The following PTPRG variants were observed in gnomAD, a reference collection of about 807,000 sequenced individuals.
PTPRG encodes protein tyrosine phosphatase receptor type G, also known as receptor-type tyrosine-protein phosphatase gamma.
PTPRG carries 102 observed loss-of-function variants against 165.3 expected under a neutral mutation model. The ratio of observed to expected loss-of-function variants is 0.62; its 90% CI spans 0.53 to 0.73. The LOEUF (loss-of-function observed/expected upper bound fraction) is 0.73. Among genes scored for constraint, PTPRG ranks in the 30% least tolerant of loss-of-function variants. The pLI, the probability that PTPRG is intolerant of heterozygous loss-of-function variation, is 0.00. For synonymous variants in PTPRG, 675 were observed against 669.5 expected (o/e 1.01, Z -0.13); for missense variants, 1,866 against 1,861.4 (o/e 1.00, Z -0.05).
chr3:62,000,830 C>G (rs1195065099), intron 3 of PTPRG, among the ~76,000 whole-genome samples: 1 of 152,212 alleles, frequency 6.6e-6, no homozygotes, highest in Non-Finnish European at 1.5e-5. Context: ...TTGGAAATAA[C>G]CACCACTGAA....
chr3:62,173,326 C>T (rs185926493), intron 8 of PTPRG, among the ~76,000 whole-genome samples: 49 of 151,802 alleles, frequency 3.2e-4, no homozygotes, highest in Admixed American at 2.1e-3. Context: ...ATATAAGTGC[C>T]GACTGTACTC....
intron 2 of PTPRG, among the ~76,000 whole-genome samples, chr3:61,865,537 C>G (rs1048635000): frequency 6.6e-6 from 1 of 152,136 alleles, no homozygotes; most frequent in African/African-American, 2.4e-5. Context: ...TCACCCTAAG[C>G]TAGGGAGTAG....
intron 1 of PTPRG, among the ~76,000 whole-genome samples, chr3:61,681,624 A>G (rs1703443244): frequency 6.6e-6 from 1 of 152,176 alleles, no homozygotes; most frequent in African/African-American, 2.4e-5. Flanking sequence ...CTTCTATGAA[A>G]TGTGGATTAT....
chr3:62,111,988 A>G (rs1295596882), intron 5 of PTPRG, among the ~76,000 whole-genome samples: 2 of 152,218 alleles, frequency 1.3e-5, no homozygotes, highest in African/African-American at 4.8e-5. Context: ...AATGAGGCCT[A>G]AAGAGGAAAC....
At chr3:61,722,196 A>C (rs1412100466) in intron 1 of PTPRG, among the ~76,000 whole-genome samples, 1 of 150,330 alleles carries the variant, frequency 6.7e-6, no homozygotes, top group Non-Finnish European at 1.5e-5. Context: ...GAAAGGTGGA[A>C]GAGCAAAGAG....
At chr3:61,832,989 G>C (rs968231326) in intron 2 of PTPRG, among the ~76,000 whole-genome samples, 1 of 151,908 alleles carries the variant, frequency 6.6e-6, no homozygotes, top group Non-Finnish European at 1.5e-5. Context: ...ATATCACTTA[G>C]AATAATAGTA....
At chr3:62,274,437 G>T (rs1281592771) in intron 23 of PTPRG, among the ~76,000 whole-genome samples, 1 of 152,076 alleles carries the variant, frequency 6.6e-6, no homozygotes, top group East Asian at 1.9e-4. Flanking sequence ...AATAATTAGG[G>T]CTCAGTCATC....
intron 15 of PTPRG, among the ~76,000 whole-genome samples, chr3:62,248,235 G>C (rs1457231413): frequency 2.6e-5 from 4 of 152,162 alleles, no homozygotes; most frequent in African/African-American, 9.7e-5. Context: ...GATTTTGAAT[G>C]GTTAGTGCCT....
In PTPRG at chr3:62,252,074, CACTTT is replaced by C; in HGVS notation, c.2468-3049_2468-3045del. On this transcript the variant is annotated intron_variant, in intron 15 of 29. Coordinates refer to ENST00000474889, the MANE Select transcript of PTPRG (RefSeq NM_002841.4). The surrounding 1 kb of genome is among the most constrained non-coding windows in gnomAD (Gnocchi z 4.6). ...AATCTGTTGTCAGTGAAAACATCTT[CACTTT>C]GATTCCAGCCCCTTTTTTCCTTTAT... 6.6e-6 allele frequency among the ~76,000 whole-genome samples: 1 copy of C among 152,286 alleles called. No homozygotes were observed. Among genetic ancestry groups the C allele is most frequent in the Admixed American group, 6.5e-5 (1 of 15,282 alleles).
At chr3:62,135,153 A>G (rs927619529) in intron 6 of PTPRG, among the ~76,000 whole-genome samples, 1 of 151,912 alleles carries the variant, frequency 6.6e-6, no homozygotes, top group Non-Finnish European at 1.5e-5. Context: ...ACATGCCTGC[A>G]GTCCCAGCTA....
chr3:62,044,117 C>G (rs542320077), intron 4 of PTPRG, among the ~76,000 whole-genome samples: 1 of 152,368 alleles, frequency 6.6e-6, no homozygotes, highest in East Asian at 1.9e-4. Context: ...ATCTCAAATG[C>G]TTGGCATTAG....
chr3:62,021,928 C>G (rs570219588), intron 4 of PTPRG, among the ~76,000 whole-genome samples: 2 of 144,110 alleles, frequency 1.4e-5, no homozygotes, highest in Admixed American at 1.4e-4. Context: ...TCCTTTTTCC[C>G]TTCCCCCTCA....
At chr3:61,607,316 A>G (rs1701038688) in intron 1 of PTPRG, among the ~76,000 whole-genome samples, 1 of 152,220 alleles carries the variant, frequency 6.6e-6, no homozygotes, top group African/African-American at 2.4e-5. Flanking sequence ...TCTCCTTGAC[A>G]TGAGTATCCT....
In PTPRG at chr3:62,201,553, T is replaced by G; in HGVS notation, c.1376T>G (p.Val459Gly). The change falls in exon 11 of 30, where the codon GTG becomes GGG. Residue 459 changes from valine (V) to glycine (G), a missense_variant and splice_region_variant. Physicochemically the swap from Val to Gly is moderately radical, Grantham distance 109 (BLOSUM62 -3). This residue lies in a region of PTPRG where 1,452 missense variants were observed against 1,463.0 expected (regional missense o/e 0.99). Coordinates refer to ENST00000474889, the MANE Select transcript of PTPRG (RefSeq NM_002841.4). The part of the protein sequence containing the change: ...FQGTRIVKTG[V>G]PTASPASSAD... ...GGGACCAGAATAGTGAAAACAGGAG[T>G]GGTAAGTAGAGAATGGGAAATTGCT... The G allele has an allele frequency of 6.2e-7, 1 of 1,608,266 alleles. No individual in the cohort carries two copies. Among genetic ancestry groups the G allele is most frequent in the Non-Finnish European group, 8.5e-7 (1 of 1,176,960 alleles).
At chr3:61,933,011 C>A (rs1255789763) in intron 2 of PTPRG, among the ~76,000 whole-genome samples, 1 of 152,164 alleles carries the variant, frequency 6.6e-6, no homozygotes, top group East Asian at 1.9e-4. Context: ...GTCTGAAACC[C>A]ATATGGCTGA....
chr3:62,199,366 C>T (rs1314798227), intron 10 of PTPRG, among the ~76,000 whole-genome samples: 2 of 152,126 alleles, frequency 1.3e-5, no homozygotes, highest in East Asian at 1.9e-4. Flanking sequence ...TGGGGCCAGG[C>T]AGGGGGCATG....
At chr3:62,005,776 C>G (rs947921805) in intron 4 of PTPRG, among the ~76,000 whole-genome samples, 1 of 128,664 alleles carries the variant, frequency 7.8e-6, no homozygotes, top group South Asian at 2.7e-4. Flanking sequence ...GATATCAGCT[C>G]ACTGCAATCT....
intron 1 of PTPRG, among the ~76,000 whole-genome samples, chr3:61,736,723 G>C (rs2032738211): frequency 6.6e-6 from 1 of 152,124 alleles, no homozygotes; most frequent in African/African-American, 2.4e-5. Context: ...TCACCCTGGG[G>C]ATCGGAGTGA....
intron 2 of PTPRG, among the ~76,000 whole-genome samples, chr3:61,988,576 T>C (rs985048617): frequency 1.3e-5 from 2 of 152,208 alleles, no homozygotes; most frequent in African/African-American, 2.4e-5. Flanking sequence ...TCCCCACCCA[T>C]CTACCAGTAT....
Sources: allele counts gnomAD v4.1 joint callset (sites outside exome capture counted in the v4.1 genomes callset), GRCh38; gene constraint gnomAD v4.1.1; regional missense constraint gnomAD v4.1.1; non-coding constraint Gnocchi (gnomAD v3.1); transcripts MANE v1.5; gene names NCBI Gene and HGNC (gene_info 2026-07-23, HGNC 2026-07-21).